The following ZNF229 variants were observed in gnomAD, a reference collection of about 807,000 sequenced individuals.
ZNF229 encodes zinc finger protein 229.
Under a neutral mutation model 11.8 loss-of-function variants are expected in ZNF229, and 10 were observed. The observed-to-expected ratio is 0.85, with a 90% CI of 0.52 to 1.44. The LOEUF (loss-of-function observed/expected upper bound fraction) is 1.44, where lower values mean the gene tolerates loss of function less well. ZNF229 is among the 40% of genes most tolerant of loss of function. The probability of loss-of-function intolerance (pLI) is 0.00; values close to 1 mark genes in which losing one functional copy is unlikely to be tolerated. For missense variants in ZNF229, 1,045 were observed against 1,015.1 expected (o/e 1.03, Z -0.40); for synonymous variants, 368 against 374.8 (o/e 0.98, Z 0.21).
chr19:44,443,412 T>G (rs1001916912), intron 2 of ZNF229, among the ~76,000 whole-genome samples: 2 of 152,214 alleles, frequency 1.3e-5, no homozygotes, highest in African/African-American at 4.8e-5. Flanking sequence ...TTAGGGATTA[T>G]AGAAATCAGG....
At chr19:44,444,037 T>C (rs1180676734) in intron 2 of ZNF229, among the ~76,000 whole-genome samples, 1 of 152,166 alleles carries the variant, frequency 6.6e-6, no homozygotes, top group African/African-American at 2.4e-5. Context: ...CTCTAAGTCA[T>C]CAAAATAATT....
chr19:44,428,278 C>T lies in ZNF229; in HGVS notation c.*25G>A, dbSNP rs760517355. ...CTCAGATGGATAGAAAGCTCTGAGT[C>T]CCAGATGGAATCCTCTATGTACATC... On this transcript the variant is annotated 3_prime_UTR_variant, in exon 6 of 6. Transcript: ENST00000614049. The T allele has an allele frequency of 6.4e-7, 1 of 1,567,106 alleles. No individual in the cohort carries two copies. The highest frequency in any genetic ancestry group is 8.7e-7 in the Non-Finnish European group (1 of 1,154,404).
At position 44,448,335 on chromosome 19, in the gene ZNF229, G is replaced by C. The variant is rs1357363793; in HGVS notation, c.-292C>G. ...AGGCCGAGCTCATGGAAATCCGTGG[G>C]CTTCGACCCTCCGCCGCACGTTGTC... is the stretch of plus-strand genomic sequence containing the variant. On this transcript the variant is annotated 5_prime_UTR_variant, in exon 1 of 6. Transcript: ENST00000614049. 6.6e-6 allele frequency: 1 copy of C among 152,358 alleles called. No individual in the cohort carries two copies. Among genetic ancestry groups the C allele is most frequent in the Non-Finnish European group, 1.5e-5 (1 of 68,164 alleles). The allele number at this position is 152,358 out of a possible 1,614,324, so 9.4% of individuals were successfully genotyped here.
chr19:44,433,651 T>C (rs1971763002), intron 4 of ZNF229, among the ~76,000 whole-genome samples: 2 of 152,148 alleles, frequency 1.3e-5, no homozygotes, highest in African/African-American at 4.8e-5. Context: ...GAGGCCTCCT[T>C]AGAAGCCCAG....
intron 2 of ZNF229, among the ~76,000 whole-genome samples, chr19:44,443,903 C>T (rs1466184990): frequency 1.3e-5 from 2 of 152,088 alleles, no homozygotes; most frequent in African/African-American, 4.8e-5. Flanking sequence ...GCAAGAATTC[C>T]TTTTCAAAAT....
intron 4 of ZNF229, among the ~76,000 whole-genome samples, chr19:44,441,508 A>G (rs1971908794): frequency 6.6e-6 from 1 of 152,224 alleles, no homozygotes; most frequent in South Asian, 2.1e-4. Context: ...AAATTAAGAA[A>G]TATGTATATA....
chr19:44,430,095 A>G lies in ZNF229; in HGVS notation c.686T>C (p.Val229Ala). ...DDSFCWISCH[V>A]DHRFPEIDKP... ...GTCTATTTCAGGGAATCTGTGATCA[A>G]CATGACAAGATATCCAGCAAAAGCT... is the stretch of plus-strand genomic sequence containing the variant. The change falls in exon 6 of 6, where the codon GTT becomes GCT. Residue 229 changes from valine to alanine, a missense_variant. Val to Ala is a moderately conservative substitution (Grantham distance 64). Transcript: ENST00000614049. 2 of 1,614,194 alleles carry G rather than the reference A, an allele frequency of 1.2e-6. No individual in the cohort carries two copies. The highest frequency in any genetic ancestry group is 1.7e-6 in the Non-Finnish European group (2 of 1,180,044).
rs193084812 is a variant in ZNF229, at chr19:44,446,918, C to G, written c.-178+595G>C. On this transcript the variant is annotated intron_variant, in intron 2 of 5. Transcript: ENST00000614049. ...CAACATTAAATCAGGTGGTCAGGGA[C>G]AGTCTCTAAGAGCTGCCTGACAAAT... 3.9e-5 allele frequency among the ~76,000 whole-genome samples: 6 copies of G among 152,272 alleles called. 1 individual carries two copies. The highest frequency in any genetic ancestry group is 3.9e-4 in the Admixed American group (6 of 15,300).
intron 4 of ZNF229, among the ~76,000 whole-genome samples, chr19:44,441,973 T>C (rs204549): frequency 0.03 from 4,615 of 152,324 alleles, 138 homozygotes; most frequent in African/African-American, 0.075. Flanking sequence ...TTTTGATTAA[T>C]AGAGGCTTAT....
Position 44,431,500 on chromosome 19 carries a change from C to T in ZNF229, c.238+722G>A, listed in dbSNP as rs551237268. Among the ~76,000 whole-genome samples the T allele has an allele frequency of 1.3e-5, 2 of 152,288 alleles. 1 individual carries two copies. The highest frequency in any genetic ancestry group is 4.8e-5 in the African/African-American group (2 of 41,536). On this transcript the variant is annotated intron_variant, in intron 5 of 5. Transcript: ENST00000614049. Reference sequence around the variant, plus strand: ...GTCTCTGCCACTGGCTTGCCTTCTACTGCCTGGCTGTTTCTATTAGAGGGA... The same window carrying T: ...GTCTCTGCCACTGGCTTGCCTTCTATTGCCTGGCTGTTTCTATTAGAGGGA...
At chr19:44,445,954 G>A (rs967273523) in intron 2 of ZNF229, among the ~76,000 whole-genome samples, 1 of 152,174 alleles carries the variant, frequency 6.6e-6, no homozygotes, top group Non-Finnish European at 1.5e-5. Context: ...TGCTGGCTGT[G>A]TTGGGACCCA....
In ZNF229 at chr19:44,430,458, A is replaced by C; in HGVS notation, c.323T>G (p.Ile108Ser). 1 of 1,614,072 alleles carries C rather than the reference A, an allele frequency of 6.2e-7. No individual in the cohort carries two copies. Among genetic ancestry groups the C allele is most frequent in the Admixed American group, 1.7e-5 (1 of 60,006 alleles). Residue 108 changes from isoleucine (I) to serine (S), a missense_variant, in exon 6 of 6, where the codon ATC becomes AGC. Transcript: ENST00000614049. Reference protein sequence around the residue: ...FSHKELSSCKIWEEVAGELPG... With the variant: ...FSHKELSSCKSWEEVAGELPG... ...TAATTCACCTGCCACCTCTTCCCAG[A>C]TTTTGCATGAGGAGAGCTCTTTGTG...
At chr19:44,433,859 C>CG (rs2123354583) in intron 4 of ZNF229, among the ~76,000 whole-genome samples, 1 of 152,236 alleles carries the variant, frequency 6.6e-6, no homozygotes, top group East Asian at 1.9e-4. Context: ...CTTTGCTTCC[C>CG]GGGTTCAAGT....
In ZNF229 at chr19:44,428,356, A is replaced by T; in HGVS notation, c.2425T>A (p.Ser809Thr). The T allele has an allele frequency of 6.2e-7, 1 of 1,613,994 alleles. No individual in the cohort carries two copies. The highest frequency in any genetic ancestry group is 1.7e-4 in the Middle Eastern group (1 of 6,060). ...GVCGKGFSYTSGLRNHQRVHL... is the reference protein window; with the variant it reads ...GVCGKGFSYTTGLRNHQRVHL... ...ACTCTTTGGTGGTTCCGCAGACCTG[A>T]GGTATAACTGAAGCCTTTCCCACAC... Residue 809 changes from serine to threonine, a missense_variant, in exon 6 of 6, where the codon TCA becomes ACA. Transcript: ENST00000614049.
intron 4 of ZNF229, 27 bp from the exon 5 acceptor site, chr19:44,432,393 C>T: frequency 1.2e-6 from 2 of 1,610,090 alleles, no homozygotes; most frequent in Non-Finnish European, 1.7e-6. Flanking sequence ...TTAACACAAA[C>T]ATCTACTAGA....
Position 44,428,275 on chromosome 19 carries a change from A to G in ZNF229, c.*28T>C. The G allele has an allele frequency of 6.4e-7, 1 of 1,560,676 alleles. No homozygotes were observed. Among genetic ancestry groups the G allele is most frequent in the Non-Finnish European group, 8.7e-7 (1 of 1,151,610 alleles). ...GCTCTCAGATGGATAGAAAGCTCTG[A>G]GTCCCAGATGGAATCCTCTATGTAC... On this transcript the variant is annotated 3_prime_UTR_variant, in exon 6 of 6. Transcript: ENST00000614049.
At position 44,429,428 on chromosome 19, in the gene ZNF229, G is replaced by T. The variant is rs775998658; in HGVS notation, c.1353C>A (p.His451Gln). Residue 451 changes from histidine to glutamine, a missense_variant, in exon 6 of 6, where the codon CAC becomes CAA. Transcript: ENST00000614049. ...GCTTTTCTCCAGGGTGAATGTGCTG[G>T]TGTTTGTGCAGTGCAGACTTGGCAC... ...GFCAKSALHK[H>Q]QHIHPGEKPY... is the part of the protein sequence containing the mutation. 9 of 1,613,686 alleles carry T rather than the reference G, an allele frequency of 5.6e-6. No homozygotes were observed. The highest frequency in any genetic ancestry group is 6.8e-6 in the Non-Finnish European group (8 of 1,179,982).
chr19:44,443,171 A>T (rs143849277), intron 2 of ZNF229, 147 bp from the exon 3 acceptor site: 209 of 365,298 alleles, frequency 5.7e-4, no homozygotes, highest in African/African-American at 3.9e-3. Flanking sequence ...GAAGGGGCTC[A>T]TAGTCCACAA....
rs1971664572 is a variant in ZNF229, at chr19:44,429,489, T to C, written c.1292A>G (p.Lys431Arg). Residue 431 changes from lysine to arginine, a missense_variant, in exon 6 of 6, where the codon AAG (lysine) becomes AGG (arginine). Lys to Arg is a conservative substitution (Grantham distance 26). Transcript: ENST00000614049. ...QVHQRLHTGE[K>R]PYTCSECGKG... ...GCCACACTCGCTGCAGGTGTAGGGCTTCTCCCCTGTGTGCAGCCTCTGATG... is the reference window on the plus strand; with the variant it reads ...GCCACACTCGCTGCAGGTGTAGGGCCTCTCCCCTGTGTGCAGCCTCTGATG... 6.2e-7 allele frequency: 1 copy of C among 1,613,798 alleles called. No homozygotes were observed. Among genetic ancestry groups the C allele is most frequent in the Non-Finnish European group, 8.5e-7 (1 of 1,179,948 alleles).
Sources: gnomAD v4.1 joint callset for allele counts (sites outside exome capture counted in the v4.1 genomes callset) on GRCh38, gnomAD v4.1.1 for gene constraint, MANE v1.5 for transcripts, NCBI Gene and HGNC (gene_info 2026-07-23, HGNC 2026-07-21) for gene names.